The following PDE1C variants were observed in gnomAD, a reference collection of about 807,000 sequenced individuals.
PDE1C encodes the protein dual specificity calcium/calmodulin-dependent 3',5'-cyclic nucleotide phosphodiesterase 1C.
A neutral mutation model predicts 93.1 loss-of-function variants in PDE1C; 62 were observed. That is an observed-to-expected ratio of 0.67 (90% confidence interval 0.54 to 0.82). PDE1C has a LOEUF of 0.82. Ranked by LOEUF, PDE1C falls within the 40% of genes least tolerant of loss-of-function variation. The probability of loss-of-function intolerance (pLI) is 0.00; values close to 1 mark genes in which losing one functional copy is unlikely to be tolerated. For missense variants in PDE1C, 742 were observed against 884.6 expected, an observed-to-expected ratio of 0.84 and a Z score of 2.04; for synonymous variants, 325 against 310.1, an observed-to-expected ratio of 1.05 and a Z score of -0.50.
chr7:32,051,890 A>T (rs947112097), intron 1 of PDE1C, among the ~76,000 whole-genome samples: 3 of 152,192 alleles, frequency 2.0e-5, no homozygotes, highest in Admixed American at 2.0e-4. Context: ...TAAAGACCAC[A>T]AAATCTAGGT....
intron 6 of PDE1C, 96 bp downstream of exon 6, chr7:31,873,196 C>T: frequency 1.4e-6 from 1 of 737,408 alleles, no homozygotes; most frequent in Non-Finnish European, 2.3e-6. Context: ...GAGCAGTTTT[C>T]ATTCCGCATA....
intron 16 of PDE1C, among the ~76,000 whole-genome samples, chr7:31,790,501 C>T (rs933763673): frequency 6.6e-6 from 1 of 152,098 alleles, no homozygotes; most frequent in African/African-American, 2.4e-5. Context: ...TTGCTGTAAA[C>T]TAGATTAGCA....
chr7:31,733,717 G>A, the PDE1C span, among the ~76,000 whole-genome samples: 9 of 152,234 alleles, frequency 5.9e-5, no homozygotes, highest in East Asian at 1.9e-4. Flanking sequence ...TCTTTCAGCC[G>A]GGCACAGTGG....
chr7:32,387,082 C>G (rs371120612), intron 1 of PDE1C, among the ~76,000 whole-genome samples: 188 of 151,394 alleles, frequency 1.2e-3, no homozygotes, highest in African/African-American at 4.2e-3. Context: ...TGACTCTTAA[C>G]GAGCATGCTG....
intron 8 of PDE1C, among the ~76,000 whole-genome samples, chr7:31,849,242 T>A (rs565767937): frequency 6.6e-6 from 1 of 152,194 alleles, no homozygotes; most frequent in Admixed American, 6.5e-5. Context: ...CTGGTTTTGA[T>A]CCTCGTCTCC....
chr7:32,027,769 C>T (rs1428212872), intron 2 of PDE1C, among the ~76,000 whole-genome samples: 1 of 151,046 alleles, frequency 6.6e-6, no homozygotes, highest in African/African-American at 2.4e-5. Context: ...AAAAAATCTG[C>T]TGTCTATTAG....
intron 2 of PDE1C, among the ~76,000 whole-genome samples, chr7:31,950,062 G>A (rs943250140): frequency 6.6e-6 from 1 of 152,142 alleles, no homozygotes; most frequent in Non-Finnish European, 1.5e-5. Flanking sequence ...ATAAAGAAAA[G>A]TTATAGGCTT....
chr7:31,781,564 C>T (rs1302159176), intron 16 of PDE1C, among the ~76,000 whole-genome samples: 1 of 152,084 alleles, frequency 6.6e-6, no homozygotes, highest in Non-Finnish European at 1.5e-5. Flanking sequence ...CAAGCCATTG[C>T]CTGAAGCCTC....
intron 2 of PDE1C, among the ~76,000 whole-genome samples, chr7:31,924,505 T>C (rs1248988183): frequency 6.6e-6 from 1 of 152,230 alleles, no homozygotes; most frequent in Admixed American, 6.5e-5. Flanking sequence ...GCATCATGAC[T>C]GGCACAAATA....
At chr7:31,993,250 A>C (rs1355429829) in intron 2 of PDE1C, among the ~76,000 whole-genome samples, 2 of 152,198 alleles carry the variant, frequency 1.3e-5, no homozygotes, top group African/African-American at 4.8e-5. Flanking sequence ...CTGATCATTC[A>C]GTATGAATGT....
At chr7:32,357,320 C>T (rs11772661) in intron 1 of PDE1C, among the ~76,000 whole-genome samples, 4,269 of 144,024 alleles carry the variant, frequency 0.03, 100 homozygotes, top group African/African-American at 0.059. Flanking sequence ...GGCAACAGAG[C>T]GAGATTCCAT....
intron 1 of PDE1C, among the ~76,000 whole-genome samples, chr7:32,248,296 G>A (rs192073625): frequency 1.2e-3 from 187 of 152,288 alleles, no homozygotes; most frequent in African/African-American, 4.4e-3. Context: ...AGAATTTAGA[G>A]TGGAGGAGAA....
chr7:32,299,011 A>G, exon 1 of PDE1C: 1 of 1,235,646 alleles, frequency 8.1e-7, no homozygotes, highest in Non-Finnish European at 1.0e-6. Context: ...GAGGAGTGTC[A>G]GGAAGGGAGG....
rs145796084 is a variant in PDE1C at position 31,834,247 on chromosome 7, G to T, written c.1203+2933C>A. Among the ~76,000 whole-genome samples, 1,213 of 152,318 alleles carry T rather than the reference G, an allele frequency of 8.0e-3. 6 individuals are homozygous for T. Among genetic ancestry groups the T allele is most frequent in the Middle Eastern group, 0.02 (6 of 294 alleles). Reference sequence around the variant, plus strand: ...GGCCTTCATGGATAACCTCTGCTATGGTAGTGTGGAAGCAAAATGTGGAGT... The same window carrying T: ...GGCCTTCATGGATAACCTCTGCTATTGTAGTGTGGAAGCAAAATGTGGAGT... On this transcript the variant is annotated intron_variant, in intron 11 of 17. Transcript: ENST00000396191.
chr7:31,873,295 G>C lies in PDE1C; in HGVS notation c.606C>G (p.Phe202Leu). 1 of 1,591,144 alleles carries C rather than the reference G, an allele frequency of 6.3e-7. No individual in the cohort carries two copies. The highest frequency in any genetic ancestry group is 8.6e-7 in the Non-Finnish European group (1 of 1,160,404). ...LLTRYDLISR[F>L]KIPISALVSF... ...TTCTTTTTAAAGAGGTACTGACCTTGAAACGGCTGATCAGATCATAACGTG... is the reference window on the plus strand; with the variant it reads ...TTCTTTTTAAAGAGGTACTGACCTTCAAACGGCTGATCAGATCATAACGTG... Residue 202 changes from phenylalanine (F) to leucine (L), a missense_variant, in exon 6 of 18, where the codon TTC becomes TTG. Transcript: ENST00000396191.
intron 3 of PDE1C, among the ~76,000 whole-genome samples, chr7:32,169,121 G>A (rs1443538088): frequency 1.3e-5 from 2 of 152,122 alleles, no homozygotes; most frequent in Non-Finnish European, 2.9e-5. Flanking sequence ...GAGTCTGAAA[G>A]ACCCATTTGG....
At chr7:31,744,394 T>G in the PDE1C span, among the ~76,000 whole-genome samples, 15 of 152,170 alleles carry the variant, frequency 9.9e-5, no homozygotes, top group African/African-American at 3.6e-4. Flanking sequence ...TGCTTGCACT[T>G]TTGAAATCTA....
chr7:32,051,518 G>C, intron 2 of PDE1C, 36 bp downstream of exon 2: 1 of 1,608,904 alleles, frequency 6.2e-7, no homozygotes, highest in Non-Finnish European at 8.5e-7. Context: ...GGCCACAAAT[G>C]AATCAACCAG....
intron 1 of PDE1C, among the ~76,000 whole-genome samples, chr7:32,369,886 G>A (rs1032178361): frequency 6.6e-6 from 1 of 152,164 alleles, no homozygotes; most frequent in African/African-American, 2.4e-5. Flanking sequence ...GTTGGTAGGA[G>A]TGTAAACTAG....
Sources: allele counts gnomAD v4.1 joint callset (sites outside exome capture counted in the v4.1 genomes callset), GRCh38; gene constraint gnomAD v4.1.1; transcripts MANE v1.5; gene names NCBI Gene and HGNC (gene_info 2026-07-23, HGNC 2026-07-21).